The following TDRD5 variants were observed in gnomAD, a reference collection of about 807,000 sequenced individuals.
The protein encoded by TDRD5 is tudor domain-containing protein 5.
In TDRD5, 41 loss-of-function variants were observed where a neutral mutation model predicts 120.6. That is an observed-to-expected ratio of 0.34 (90% confidence interval 0.26 to 0.44). TDRD5 has a LOEUF of 0.44. Among genes scored for constraint, TDRD5 ranks in the 20% least tolerant of loss-of-function variants. The pLI, the probability that TDRD5 is intolerant of heterozygous loss-of-function variation, is 1.00. For missense variants in TDRD5, 1,006 were observed against 1,221.2 expected (o/e 0.82, Z 2.63); for synonymous variants, 430 against 433.7 (o/e 0.99, Z 0.11).
intron 10 of TDRD5, 85 bp downstream of exon 10, chr1:179,640,136 C>T: frequency 1.4e-6 from 2 of 1,417,010 alleles, no homozygotes; most frequent in Non-Finnish European, 2.0e-6. Flanking sequence ...TCTCTCTTTT[C>T]TCTTGCCTTC....
At chr1:179,667,014 A>C (rs751338975) in intron 16 of TDRD5, among the ~76,000 whole-genome samples, 8 of 152,192 alleles carry the variant, frequency 5.3e-5, no homozygotes, top group Non-Finnish European at 1.2e-4. Context: ...AGTGCTTCTC[A>C]AACTATAATG....
intron 4 of TDRD5, among the ~76,000 whole-genome samples, chr1:179,609,583 A>G (rs1676173108): frequency 6.6e-6 from 1 of 152,106 alleles, no homozygotes; most frequent in East Asian, 1.9e-4. Context: ...CATTTAAGCC[A>G]CCCAGTCTAT....
chr1:179,660,421 C>T lies in TDRD5; in HGVS notation c.2323-1683C>T, dbSNP rs142351442. Reference sequence around the variant, plus strand: ...ATTTTCAGTAGAGACGGGGTTTCACCGTGTTATCCAGGATGGTCTCAATCT... The same window carrying T: ...ATTTTCAGTAGAGACGGGGTTTCACTGTGTTATCCAGGATGGTCTCAATCT... On this transcript the variant is annotated intron_variant, in intron 14 of 17. Transcript: ENST00000444136. 2.3e-3 allele frequency among the ~76,000 whole-genome samples: 343 copies of T among 151,664 alleles called. 6 individuals are homozygous for T. Among genetic ancestry groups the T allele is most frequent in the African/African-American group, 7.8e-3 (322 of 41,398 alleles).
chr1:179,647,639 T>C (rs1678456782), intron 11 of TDRD5, among the ~76,000 whole-genome samples: 1 of 151,846 alleles, frequency 6.6e-6, no homozygotes, highest in Admixed American at 6.6e-5. Flanking sequence ...CAAAAGAAAC[T>C]ACCATCAGAG....
Position 179,618,668 on chromosome 1 carries a change from C to T in TDRD5, c.901C>T (p.His301Tyr), listed in dbSNP as rs753469467. The T allele has an allele frequency of 1.3e-6, 2 of 1,581,044 alleles. No homozygotes were observed. Among genetic ancestry groups the T allele is most frequent in the Admixed American group, 1.9e-5 (1 of 54,014 alleles). The change falls in exon 5 of 18, where the codon CAT (histidine) becomes TAT (tyrosine). Residue 301 changes from histidine (H) to tyrosine (Y), a missense_variant. By Grantham distance (83) the His-to-Tyr change is moderately conservative. Coordinates refer to ENST00000444136, the MANE Select transcript of TDRD5 (RefSeq NM_001199085.3). ...PGGTISSELK[H>Y]KIKFVVSKFP... ...AGGAACTATCAGTTCAGAACTAAAA[C>T]ATAAGATAAAATTTGTAAGTAATTT...
At chr1:179,604,569 AG>A (rs1173002240) in intron 4 of TDRD5, among the ~76,000 whole-genome samples, 1 of 152,042 alleles carries the variant, frequency 6.6e-6, no homozygotes, top group East Asian at 1.9e-4. Context: ...AGTTTTTGAT[AG>A]ACCGTGTCAT....
intron 4 of TDRD5, among the ~76,000 whole-genome samples, chr1:179,613,696 G>A (rs1676405070): frequency 6.6e-6 from 1 of 152,124 alleles, no homozygotes; most frequent in African/African-American, 2.4e-5. Context: ...CTCTCTAATA[G>A]GGGCACTAAT....
intron 16 of TDRD5, among the ~76,000 whole-genome samples, chr1:179,668,220 C>T (rs1477313990): frequency 1.3e-5 from 2 of 152,190 alleles, no homozygotes; most frequent in Non-Finnish European, 2.9e-5. Flanking sequence ...GGAAGTTCAT[C>T]TTTTTCTCTC....
Position 179,592,845 on chromosome 1 carries a change from AAGGT to A in TDRD5, c.232+3_232+6del. 1 of 1,613,882 alleles carries A rather than the reference AAGGT, an allele frequency of 6.2e-7. No individual in the cohort carries two copies. The highest frequency in any genetic ancestry group is 1.3e-5 in the African/African-American group (1 of 75,030). On this transcript the variant is annotated splice_donor_variant and coding_sequence_variant, in exon 2 of 18. Coordinates refer to ENST00000444136, the MANE Select transcript of TDRD5 (RefSeq NM_001199085.3). LOFTEE classifies it high-confidence loss of function. The stretch of plus-strand genomic sequence containing the variant: ...GGTGCAGGTGGTACTGTAATACTGA[AAGGT>A]AGGTTTAAGATTTTTGAAGGTCTAT...
intron 14 of TDRD5, among the ~76,000 whole-genome samples, chr1:179,655,584 G>C (rs1678962441): frequency 6.6e-6 from 1 of 152,106 alleles, no homozygotes; most frequent in South Asian, 2.1e-4. Context: ...TAACTCCCTT[G>C]TGCTACTGCT....
intron 17 of TDRD5, among the ~76,000 whole-genome samples, chr1:179,673,020 C>G (rs750902130): frequency 6.6e-6 from 1 of 152,076 alleles, no homozygotes; most frequent in Non-Finnish European, 1.5e-5. Context: ...AGTTTGAAGT[C>G]AGGTAATGTG....
intron 8 of TDRD5, among the ~76,000 whole-genome samples, chr1:179,635,287 A>G (rs149817548): frequency 1.3e-5 from 2 of 152,308 alleles, no homozygotes; most frequent in East Asian, 1.9e-4. Context: ...TTAACCTACT[A>G]AAGTTACCTT....
At chr1:179,593,143 A>G (rs1201581975) in intron 2 of TDRD5, among the ~76,000 whole-genome samples, 1 of 152,242 alleles carries the variant, frequency 6.6e-6, no homozygotes, top group Non-Finnish European at 1.5e-5. Flanking sequence ...TTATAAAAAC[A>G]TGTTTTAAAT....
Position 179,670,101 on chromosome 1 carries a change from T to C in TDRD5, c.2860+697T>C, listed in dbSNP as rs1405689618. ...TATGTTTTTATTTCTATTAAAGATA[T>C]ACATAAGAGGCTGGGCACGATGGCT... On this transcript the variant is annotated intron_variant, in intron 17 of 17. Coordinates refer to ENST00000444136, the MANE Select transcript of TDRD5 (RefSeq NM_001199085.3). 2.6e-5 allele frequency among the ~76,000 whole-genome samples: 4 copies of C among 152,124 alleles called. No individual in the cohort carries two copies. The East Asian group carries it at 7.7e-4, about 29-fold the overall frequency.
At chr1:179,645,433 T>C (rs896325050) in intron 11 of TDRD5, among the ~76,000 whole-genome samples, 1 of 152,234 alleles carries the variant, frequency 6.6e-6, no homozygotes, top group Non-Finnish European at 1.5e-5. Context: ...CTAGTTTAAA[T>C]ACACTGTGGT....
Position 179,654,262 on chromosome 1 carries a change from A to G in TDRD5, c.2222A>G (p.Lys741Arg). 12 of 1,550,018 alleles carry G rather than the reference A, an allele frequency of 7.7e-6. No homozygotes were observed. Among genetic ancestry groups the G allele is most frequent in the Non-Finnish European group, 9.6e-6 (11 of 1,146,666 alleles). ...AAATCTGAGTCAAAGGAGCCATTAA[A>G]GGATTCTGAATTTGAGTCTTTGAAA... ...HLKSESKEPLKDSEFESLKTC... is the reference protein window; with the variant it reads ...HLKSESKEPLRDSEFESLKTC... Residue 741 changes from lysine to arginine, a missense_variant, in exon 14 of 18, where the codon AAG becomes AGG. Lys to Arg is a conservative substitution (Grantham distance 26). Around this residue, in one of 3 missense-constraint regions of TDRD5, gnomAD observed 403 missense variants for 448.1 expected, o/e 0.90. Transcript: ENST00000444136.
At chr1:179,654,135 AG>A in intron 13 of TDRD5, 65 bp from the exon 14 acceptor site, 1 of 1,319,764 alleles carries the variant, frequency 7.6e-7, no homozygotes, top group South Asian at 1.7e-5. Flanking sequence ...CAAAATGTAT[AG>A]GCATGTAGAT....
At chr1:179,661,193 ACTT>A (rs1159672013) in intron 14 of TDRD5, among the ~76,000 whole-genome samples, 2 of 152,094 alleles carry the variant, frequency 1.3e-5, no homozygotes, top group African/African-American at 4.8e-5. Flanking sequence ...GTTTTGGTGA[ACTT>A]CTTGAATCTG....
At position 179,644,564 on chromosome 1, in the gene TDRD5, A is replaced by C. The variant is rs531946766; in HGVS notation, c.1800+4119A>C. ...TTTACCACCCCAACAAAAAATTAAA[A>C]TGTAGTATTTATAGTAGAATCTTCA... On this transcript the variant is annotated intron_variant, in intron 11 of 17. Transcript: ENST00000444136. 3.9e-5 allele frequency among the ~76,000 whole-genome samples: 6 copies of C among 152,260 alleles called. No homozygotes were observed. In the East Asian group the frequency reaches 1.2e-3, roughly 29 times the overall value.
Sources: gnomAD v4.1 joint callset for allele counts (sites outside exome capture counted in the v4.1 genomes callset) on GRCh38, gnomAD v4.1.1 for gene constraint, gnomAD v4.1.1 regional missense constraint, MANE v1.5 for transcripts, NCBI Gene and HGNC (gene_info 2026-07-23, HGNC 2026-07-21) for gene names.